APOBEC3H: variants seen among roughly 807,000 people sequenced by gnomAD.
The protein encoded by APOBEC3H is DNA dC->dU-editing enzyme APOBEC-3H.
A neutral mutation model predicts 21.2 loss-of-function variants in APOBEC3H; 8 were observed. The observed-to-expected ratio is 0.38, with a 90% CI of 0.22 to 0.68. APOBEC3H has a LOEUF of 0.68. Among genes scored for constraint, APOBEC3H ranks in the 30% least tolerant of loss-of-function variants. The pLI, the probability that APOBEC3H is intolerant of heterozygous loss-of-function variation, is 0.52. For missense variants in APOBEC3H, 229 were observed against 228.1 expected (o/e 1.00, Z -0.03); for synonymous variants, 88 against 91.0 (o/e 0.97, Z 0.19).
In APOBEC3H at chr22:39,103,550, T is replaced by C. The variant is rs1170051136; in HGVS notation, c.544-139T>C. On this transcript the variant is annotated intron_variant, in intron 4 of 4. Transcript: ENST00000442487. Reference sequence around the variant, plus strand: ...TTCTAAGATGCTCTTGTCACCTCCGTGTTTTTCTCCAGGCCTTCTGGGCCC... The same window carrying C: ...TTCTAAGATGCTCTTGTCACCTCCGCGTTTTTCTCCAGGCCTTCTGGGCCC... 7.2e-6 allele frequency: 6 copies of C among 829,328 alleles called. No individual in the cohort carries two copies. In the Admixed American group the frequency reaches 1.1e-4, roughly 15 times the overall value. The allele number at this position is 829,328 out of a possible 1,614,324, so 51.4% of individuals were successfully genotyped here. A position where few individuals can be genotyped will look rare whatever the true frequency, so the allele number is the denominator to read the frequency against.
intron 1 of APOBEC3H, among the ~76,000 whole-genome samples, chr22:39,099,708 G>A (rs535949314): frequency 2.8e-4 from 43 of 152,302 alleles, no homozygotes; most frequent in East Asian, 1.3e-3. Context: ...GGCAGCAGCC[G>A]GTGCCCTCCC....
intron 3 of APOBEC3H, among the ~76,000 whole-genome samples, 198 bp from the exon 4 acceptor site, chr22:39,101,720 C>T (rs985436256): frequency 1.8e-4 from 3 of 16,786 alleles, no homozygotes; most frequent in Non-Finnish European, 3.6e-4. Flanking sequence ...TGGCGGGGAG[C>T]GGGGGGTCTG....
intron 2 of APOBEC3H, 92 bp from the exon 3 acceptor site, chr22:39,101,145 T>TTCCCCCC: frequency 2.0e-5 from 1 of 48,872 alleles, no homozygotes; most frequent in Non-Finnish European, 4.0e-5. Flanking sequence ...TGCCCCCCCA[T>TTCCCCCC]CCCCGCCCCC....
intron 1 of APOBEC3H, among the ~76,000 whole-genome samples, chr22:39,099,665 C>T (rs139284): frequency 0.42 from 63,156 of 152,076 alleles, 13,686 homozygotes; most frequent in African/African-American, 0.54. Flanking sequence ...GTGACGAGGT[C>T]GGGGCATCCC....
At chr22:39,103,531 G>A (rs1333331412) in intron 4 of APOBEC3H, among the ~76,000 whole-genome samples, 158 bp from the exon 5 acceptor site, 1 of 152,202 alleles carries the variant, frequency 6.6e-6, no homozygotes, top group Non-Finnish European at 1.5e-5. Flanking sequence ...CCTTTTCTAA[G>A]ATGCTCTTGT....
chr22:39,102,531 A>C, intron 4 of APOBEC3H: 1 of 718,432 alleles, frequency 1.4e-6, no homozygotes, highest in Non-Finnish European at 2.6e-6. Flanking sequence ...GTACGTGCGC[A>C]GGGTCGTTAC....
intron 2 of APOBEC3H, among the ~76,000 whole-genome samples, chr22:39,101,008 T>C (rs1929283101): frequency 6.6e-6 from 1 of 152,158 alleles, no homozygotes; most frequent in African/African-American, 2.4e-5. Context: ...GTGGAAGTCC[T>C]GGGACAGATG....
chr22:39,098,034 C>T (rs138500991), intron 1 of APOBEC3H, among the ~76,000 whole-genome samples: 5 of 152,312 alleles, frequency 3.3e-5, no homozygotes, highest in African/African-American at 1.2e-4. Flanking sequence ...CTGCAGGGCC[C>T]GTGATGCAGA....
At chr22:39,101,137 C>CT in intron 2 of APOBEC3H, 100 bp from the exon 3 acceptor site, 2 of 309,018 alleles carry the variant, frequency 6.5e-6, no homozygotes, top group Non-Finnish European at 6.3e-6. Context: ...GACCCCTCTG[C>CT]CCCCCCATCC....
intron 1 of APOBEC3H, 57 bp from the exon 2 acceptor site, chr22:39,100,215 G>A: frequency 1.9e-6 from 3 of 1,562,902 alleles, no homozygotes; most frequent in South Asian, 2.3e-5. Flanking sequence ...GCTTGAGCCT[G>A]GGGTGACTCA....
intron 2 of APOBEC3H, 170 bp downstream of exon 2, chr22:39,100,598 T>C (rs1929257259): frequency 1.0e-5 from 9 of 896,228 alleles, no homozygotes; most frequent in Middle Eastern, 3.5e-4. Context: ...TGGATCTGAG[T>C]GGCCCAGTTT....
At position 39,102,397 on chromosome 22, in the gene APOBEC3H, T is replaced by G. The variant is rs1006181252; in HGVS notation, c.543+355T>G. The G allele has an allele frequency of 5.9e-6, 4 of 681,160 alleles. No individual in the cohort carries two copies. In the Admixed American group the frequency reaches 6.5e-5, roughly 11 times the overall value. The allele number at this position is 681,160 out of a possible 1,614,324, so 42.2% of individuals were successfully genotyped here. A position where few individuals can be genotyped will look rare whatever the true frequency, so the allele number is the denominator to read the frequency against. On this transcript the variant is annotated intron_variant, in intron 4 of 4. Coordinates refer to ENST00000442487, the MANE Select transcript of APOBEC3H (RefSeq NM_181773.5). The stretch of plus-strand genomic sequence containing the variant: ...ACTCTTGGCCTCAAGTGACCTGCCT[T>G]CCTTGGCCTCCCAAAGTGCTGGGAT...
intron 4 of APOBEC3H, among the ~76,000 whole-genome samples, chr22:39,103,067 A>G (rs139311): frequency 0.55 from 82,715 of 150,340 alleles, 24,693 homozygotes; most frequent in African/African-American, 0.8. Flanking sequence ...CGGGTGGATC[A>G]CTTGAGCCCA....
intron 4 of APOBEC3H, among the ~76,000 whole-genome samples, chr22:39,103,373 T>C (rs1483211928): frequency 2.0e-5 from 3 of 152,182 alleles, no homozygotes; most frequent in African/African-American, 4.8e-5. Flanking sequence ...CCGGGAAATA[T>C]GAAATACTCT....
At chr22:39,099,575 G>A (rs1039367716) in intron 1 of APOBEC3H, among the ~76,000 whole-genome samples, 4 of 152,208 alleles carry the variant, frequency 2.6e-5, no homozygotes, top group Non-Finnish European at 5.9e-5. Flanking sequence ...GCAGCTCAGA[G>A]CAGCTCTGAG....
intron 2 of APOBEC3H, 172 bp downstream of exon 2, chr22:39,100,600 GC>G: frequency 1.1e-6 from 1 of 881,036 alleles, no homozygotes; most frequent in Non-Finnish European, 1.7e-6. Flanking sequence ...GATCTGAGTG[GC>G]CCAGTTTCCC....
intron 4 of APOBEC3H, 141 bp from the exon 5 acceptor site, chr22:39,103,548 C>T (rs756669646): frequency 7.9e-5 from 64 of 812,406 alleles, no homozygotes; most frequent in East Asian, 2.2e-4. Context: ...TTGTCACCTC[C>T]GTGTTTTTCT....
At chr22:39,101,136 G>GA in intron 2 of APOBEC3H, 101 bp from the exon 3 acceptor site, 33 of 378,504 alleles carry the variant, frequency 8.7e-5, no homozygotes, top group South Asian at 2.6e-4. Context: ...AGACCCCTCT[G>GA]CCCCCCCATC....
intron 4 of APOBEC3H, among the ~76,000 whole-genome samples, chr22:39,103,364 C>A (rs139312): frequency 6.6e-6 from 1 of 151,956 alleles, no homozygotes; most frequent in Non-Finnish European, 1.5e-5. Flanking sequence ...GAAGAAAACC[C>A]GGGAAATATG....
Sources: allele counts gnomAD v4.1 joint callset (sites outside exome capture counted in the v4.1 genomes callset), GRCh38; gene constraint gnomAD v4.1.1; transcripts MANE v1.5; gene names NCBI Gene and HGNC (gene_info 2026-07-23, HGNC 2026-07-21).